The following EYS variants were observed in gnomAD, a reference collection of about 807,000 sequenced individuals.
EYS encodes EGF-like photoreceptor maintenance factor.
In EYS, 250 loss-of-function variants were observed where a neutral mutation model predicts 282.1. The ratio of observed to expected loss-of-function variants is 0.89; its 90% confidence interval spans 0.80 to 0.98. The LOEUF (loss-of-function observed/expected upper bound fraction) is 0.98, where lower values mean the gene tolerates loss of function less well. Ranked by LOEUF, EYS falls within the 50% of genes least tolerant of loss-of-function variation. The pLI is 0.00. For missense variants in EYS, 4,016 were observed against 3,709.0 expected, an observed-to-expected ratio of 1.08 and a Z score of -2.15; for synonymous variants, 1,355 against 1,282.9, an observed-to-expected ratio of 1.06 and a Z score of -1.20.
chr6:65,281,170 T>A (rs1236403718), intron 12 of EYS, among the ~76,000 whole-genome samples: 8 of 151,720 alleles, frequency 5.3e-5, no homozygotes, highest in Non-Finnish European at 7.4e-5. Context: ...ATATTATCTA[T>A]ACCACCTCTC....
At chr6:64,847,404 T>G (rs372302237) in intron 19 of EYS, among the ~76,000 whole-genome samples, 4 of 152,246 alleles carry the variant, frequency 2.6e-5, no homozygotes, top group South Asian at 2.1e-4. Context: ...GTTACTACAC[T>G]TAAATGACTA....
intron 36 of EYS, chr6:63,857,616 G>C (rs1772428892): frequency 4.2e-5 from 18 of 427,000 alleles, no homozygotes; most frequent in Middle Eastern, 4.9e-4. Context: ...GGGTCCACGT[G>C]TGCTCAGTGT....
chr6:64,964,434 C>T (rs1347190495), intron 14 of EYS, among the ~76,000 whole-genome samples: 2 of 151,828 alleles, frequency 1.3e-5, no homozygotes, highest in Admixed American at 6.6e-5. Context: ...TATGTTATTA[C>T]TATAATGTGT....
intron 37 of EYS, among the ~76,000 whole-genome samples, chr6:63,795,908 C>T (rs979448681): frequency 2.6e-5 from 4 of 151,898 alleles, no homozygotes; most frequent in Non-Finnish European, 5.9e-5. Context: ...CCCTGAGTGC[C>T]TTATGGTAAT....
At chr6:64,072,633 C>T (rs369951714) in intron 32 of EYS, among the ~76,000 whole-genome samples, 7 of 151,772 alleles carry the variant, frequency 4.6e-5, no homozygotes, top group East Asian at 1.9e-4. Context: ...TGGCATAAGG[C>T]GGTTCTTCTT....
intron 19 of EYS, among the ~76,000 whole-genome samples, chr6:64,855,732 T>C (rs1388017011): frequency 6.6e-6 from 1 of 152,188 alleles, no homozygotes; most frequent in Non-Finnish European, 1.5e-5. Context: ...TCTAGTATCA[T>C]AGAAAATAGT....
chr6:65,406,207 T>C (rs570279498), intron 5 of EYS, among the ~76,000 whole-genome samples: 2 of 152,282 alleles, frequency 1.3e-5, no homozygotes, highest in Middle Eastern at 6.8e-3. Flanking sequence ...TATTAATCAT[T>C]TGTATATCTT....
intron 8 of EYS, among the ~76,000 whole-genome samples, chr6:65,370,338 CT>C (rs1765094542): frequency 6.9e-6 from 1 of 144,896 alleles, no homozygotes; most frequent in South Asian, 2.2e-4. Context: ...TCACTGCAGT[CT>C]TAATTCCTGG....
chr6:65,147,324 A>G (rs1453179426), intron 12 of EYS, among the ~76,000 whole-genome samples: 1 of 152,054 alleles, frequency 6.6e-6, no homozygotes, highest in African/African-American at 2.4e-5. Context: ...TATTAACATA[A>G]ATAAAATAAA....
chr6:65,462,765 G>A (rs79628167), intron 5 of EYS, among the ~76,000 whole-genome samples: 2 of 151,866 alleles, frequency 1.3e-5, no homozygotes, highest in African/African-American at 2.4e-5. Context: ...ATTTAAAATT[G>A]TGAGTTATAT....
chr6:65,370,810 C>T (rs1765114674), intron 8 of EYS, among the ~76,000 whole-genome samples: 2 of 151,904 alleles, frequency 1.3e-5, no homozygotes, highest in Non-Finnish European at 2.9e-5. Context: ...CCACCAACTA[C>T]ATTTGGCATA....
intron 19 of EYS, among the ~76,000 whole-genome samples, chr6:64,865,120 A>G (rs1322005155): frequency 6.6e-6 from 1 of 152,190 alleles, no homozygotes; most frequent in Non-Finnish European, 1.5e-5. Flanking sequence ...TTGCTTTATA[A>G]CAATCTATAT....
At chr6:64,100,667 C>G (rs1477927628) in intron 31 of EYS, among the ~76,000 whole-genome samples, 1 of 152,050 alleles carries the variant, frequency 6.6e-6, no homozygotes, top group Admixed American at 6.5e-5. Flanking sequence ...TCCAAATATC[C>G]TGACACTTTC....
At chr6:65,312,481 C>T (rs1769186029) in intron 11 of EYS, among the ~76,000 whole-genome samples, 1 of 151,776 alleles carries the variant, frequency 6.6e-6, no homozygotes, top group African/African-American at 2.4e-5. Context: ...TTCTTAAATA[C>T]AAAAAAAAGA....
At chr6:64,719,772 C>T (rs10455559) in intron 22 of EYS, among the ~76,000 whole-genome samples, 103,013 of 151,968 alleles carry the variant, frequency 0.68, 37,172 homozygotes, top group Non-Finnish European at 0.81. Flanking sequence ...AGGCATGGTG[C>T]GCATGCCTAT....
At chr6:63,885,040 A>C (rs1773229194) in intron 35 of EYS, among the ~76,000 whole-genome samples, 2 of 152,198 alleles carry the variant, frequency 1.3e-5, no homozygotes, top group African/African-American at 4.8e-5. Context: ...ATGCTAAATT[A>C]CATGGCAAAA....
chr6:63,865,197 T>C (rs1217607166), intron 35 of EYS, among the ~76,000 whole-genome samples: 1 of 152,226 alleles, frequency 6.6e-6, no homozygotes, highest in Non-Finnish European at 1.5e-5. Context: ...GAGAGTACTC[T>C]TTTTATCTGC....
At chr6:65,552,972 C>A (rs1471644963) in intron 2 of EYS, among the ~76,000 whole-genome samples, 4 of 152,026 alleles carry the variant, frequency 2.6e-5, no homozygotes, top group Non-Finnish European at 5.9e-5. Context: ...TCTGTTGTTT[C>A]TTTTAAATGA....
chr6:63,839,073 C>T (rs1276618866), intron 36 of EYS, among the ~76,000 whole-genome samples: 2 of 152,136 alleles, frequency 1.3e-5, no homozygotes, highest in Non-Finnish European at 2.9e-5. Context: ...TGGGAAGAGT[C>T]AAAATCTCCT....
Sources: allele counts gnomAD v4.1 joint callset (sites outside exome capture counted in the v4.1 genomes callset), GRCh38; gene constraint gnomAD v4.1.1; transcripts MANE v1.5; gene names NCBI Gene and HGNC (gene_info 2026-07-23, HGNC 2026-07-21).